The following DDX17 variants were observed in gnomAD, a reference collection of about 807,000 sequenced individuals.
DDX17 encodes probable ATP-dependent RNA helicase DDX17.
Under a neutral mutation model 80.8 loss-of-function variants are expected in DDX17, and 10 were observed. That is an observed-to-expected ratio of 0.12 (90% confidence interval 0.08 to 0.21). The LOEUF is 0.21. Ranked by LOEUF, DDX17 falls within the 10% of genes least tolerant of loss-of-function variation. The pLI is 1.00. For missense variants in DDX17, 586 were observed against 957.4 expected (o/e 0.61, Z 5.12); for synonymous variants, 339 against 336.2 (o/e 1.01, Z -0.09).
At chr22:38,492,237 C>G in intron 10 of DDX17, 122 bp from the exon 11 acceptor site, 1 of 703,514 alleles carries the variant, frequency 1.4e-6, no homozygotes, top group Admixed American at 3.4e-5. Flanking sequence ...TAATGACTGA[C>G]AGTGATTCTT....
At position 38,489,502 on chromosome 22, in the gene DDX17, A is replaced by C; in HGVS notation, c.1448-1387T>G. 1 of 985,612 alleles carries C rather than the reference A, an allele frequency of 1.0e-6. No individual in the cohort carries two copies. Among genetic ancestry groups the C allele is most frequent in the Non-Finnish European group, 1.2e-6 (1 of 829,894 alleles). The allele number at this position is 985,612 out of a possible 1,614,324, so 61.1% of individuals were successfully genotyped here. A position where few individuals can be genotyped will look rare whatever the true frequency, so the allele number is the denominator to read the frequency against. ...TTCAGGTCCTCCAACGCCTCCCCCA[A>C]GGATAATTGGGGTGATTGTAGAAAA... On this transcript the variant is annotated intron_variant, in intron 11 of 12. Coordinates refer to ENST00000403230, the MANE Select transcript of DDX17 (RefSeq NM_006386.5). This position sits in a 1 kb window ranked among gnomAD's most constrained non-coding sequence, Gnocchi z 4.6.
rs1282068709 is a variant in DDX17 at position 38,485,832 on chromosome 22, A to G, written c.*103T>C. The G allele has an allele frequency of 7.2e-6, 10 of 1,382,032 alleles. No homozygotes were observed. The highest frequency in any genetic ancestry group is 3.3e-5 in the South Asian group (2 of 61,434). 85.6% of individuals were successfully genotyped at this position (1,382,032 alleles called of 1,614,324 possible). On this transcript the variant is annotated 3_prime_UTR_variant, in exon 13 of 13. Transcript: ENST00000403230. Reference sequence around the variant, plus strand: ...GGGGAAAAATTAAAAAAAAAAAAAGAAAAAAGGAAAAAAAAAGAAAAGGCG... The same window carrying G: ...GGGGAAAAATTAAAAAAAAAAAAAGGAAAAAGGAAAAAAAAAGAAAAGGCG...
chr22:38,504,897 G>A (rs2089865187), intron 1 of DDX17, among the ~76,000 whole-genome samples: 1 of 151,598 alleles, frequency 6.6e-6, no homozygotes. Flanking sequence ...GTGGCGTCAC[G>A]TAACTCTTTG....
At chr22:38,493,996 T>A in intron 9 of DDX17, 25 bp downstream of exon 9, 1 of 1,552,572 alleles carries the variant, frequency 6.4e-7, no homozygotes, top group Non-Finnish European at 8.8e-7. Context: ...AAACCAGAGG[T>A]TAATTGCCTT....
At position 38,493,871 on chromosome 22, in the gene DDX17, C is replaced by A. The variant is rs538324595; in HGVS notation, c.1326-100G>T. The stretch of plus-strand genomic sequence containing the variant: ...ATCATGCAATTTTTGTAAGGTTTGT[C>A]AGGCTTCATGAATAGATGACTGTGC... On this transcript the variant is annotated intron_variant, in intron 9 of 12. Coordinates refer to ENST00000403230, the MANE Select transcript of DDX17 (RefSeq NM_006386.5). The A allele has an allele frequency of 5.3e-6, 7 of 1,330,004 alleles. No homozygotes were observed. The East Asian group carries it at 1.2e-4, about 22-fold the overall frequency. The allele number at this position is 1,330,004 out of a possible 1,614,324, so 82.4% of individuals were successfully genotyped here.
In DDX17 at chr22:38,483,686, T is replaced by C. The variant is rs539993182; in HGVS notation, c.*2249A>G. The C allele has an allele frequency of 2.3e-3, 353 of 152,568 alleles. 4 individuals carry two copies. Among genetic ancestry groups the C allele is most frequent in the African/African-American group, 7.1e-3 (297 of 41,550 alleles). 9.5% of individuals were successfully genotyped at this position (152,568 alleles called of 1,614,324 possible). ...TTAGATGAGAAGTCCACACAACGAA[T>C]TGTTAGGGAGGATTGGGGAGAAGCA... On this transcript the variant is annotated 3_prime_UTR_variant, in exon 13 of 13. Coordinates refer to ENST00000403230, the MANE Select transcript of DDX17 (RefSeq NM_006386.5).
chr22:38,501,919 AAGTTTC>A (rs1602685478), intron 1 of DDX17, among the ~76,000 whole-genome samples: 1 of 152,138 alleles, frequency 6.6e-6, no homozygotes, highest in African/African-American at 2.4e-5. Flanking sequence ...ACATTAAGTT[AAGTTTC>A]AATTAAAGGG....
chr22:38,505,848 CG>C, intron 1 of DDX17, 102 bp downstream of exon 1: 1 of 1,403,398 alleles, frequency 7.1e-7, no homozygotes, highest in Non-Finnish European at 9.6e-7. Flanking sequence ...CCTCGCCTCC[CG>C]GGTCGAGAGC....
chr22:38,498,366 C>G (rs1232705221), intron 4 of DDX17, 74 bp downstream of exon 4: 2 of 1,589,246 alleles, frequency 1.3e-6, no homozygotes, highest in East Asian at 4.5e-5. Flanking sequence ...CTACGAAGAA[C>G]TGAGAACGTA....
chr22:38,499,480 C>T lies in DDX17; in HGVS notation c.458G>A (p.Arg153His), dbSNP rs1347509001. The stretch of plus-strand genomic sequence containing the variant: ...CCTCACTGTAATCTCCTTCTTTCGG[C>T]GTAGCTCATCAACCTCATACTATTG... Residue 153 changes from arginine to histidine, a missense_variant, in exon 3 of 13, where the codon CGC becomes CAC. Arg to His is a conservative substitution (Grantham distance 29). Around this residue, in one of 4 missense-constraint regions of DDX17, gnomAD observed 215 missense variants for 238.4 expected, o/e 0.90. Transcript: ENST00000403230. The T allele has an allele frequency of 5.0e-6, 8 of 1,613,308 alleles. No individual in the cohort carries two copies. The highest frequency in any genetic ancestry group is 1.6e-4 in the Middle Eastern group (1 of 6,082).
Position 38,485,848 on chromosome 22 carries a change from AG to A in DDX17, c.*86del. On this transcript the variant is annotated 3_prime_UTR_variant, in exon 13 of 13. Transcript: ENST00000403230. ...AAAAAAAAGAAAAAAGGAAAAAAAAAGAAAAGGCGAAGAGGAAAAAAAAAGG... is the reference window on the plus strand; with the variant it reads ...AAAAAAAAGAAAAAAGGAAAAAAAAAAAAAGGCGAAGAGGAAAAAAAAAGG... 6.9e-7 allele frequency: 1 copy of A among 1,452,298 alleles called. No homozygotes were observed. The highest frequency in any genetic ancestry group is 9.0e-7 in the Non-Finnish European group (1 of 1,107,638). The allele number at this position is 1,452,298 out of a possible 1,614,324, so 90.0% of individuals were successfully genotyped here.
At position 38,489,924 on chromosome 22, in the gene DDX17, T is replaced by C. The variant is rs894335812; in HGVS notation, c.1448-1809A>G. 3.0e-6 allele frequency: 3 copies of C among 996,418 alleles called. No homozygotes were observed. The highest frequency in any genetic ancestry group is 4.4e-5 in the South Asian group (1 of 22,888). 61.7% of individuals were successfully genotyped at this position (996,418 alleles called of 1,614,324 possible). A position where few individuals can be genotyped will look rare whatever the true frequency, so the allele number is the denominator to read the frequency against. On this transcript the variant is annotated intron_variant, in intron 11 of 12. Transcript: ENST00000403230. The surrounding 1 kb of genome is among the most constrained non-coding windows in gnomAD (Gnocchi z 4.6). ...TATGCAATCCCACTGCATATGACCA[T>C]GGCAGTAGAACAAGTTCAATTACTA... is the stretch of plus-strand genomic sequence containing the variant.
intron 5 of DDX17, 45 bp from the exon 6 acceptor site, chr22:38,495,982 A>T (rs1413216538): frequency 1.6e-6 from 2 of 1,261,924 alleles, no homozygotes; most frequent in South Asian, 2.0e-5. Context: ...CAAGGTTTAA[A>T]AAAAAAAAAA....
chr22:38,496,629 T>C, intron 5 of DDX17, among the ~76,000 whole-genome samples: 1 of 152,094 alleles, frequency 6.6e-6, no homozygotes. Context: ...GGATTACAGG[T>C]GTGAGCCACC....
rs777959687 is a variant in DDX17, at chr22:38,494,892, T to C, written c.1035A>G (p.Gln345=). ...TATTATTAGCTTTACACACCCTGAT[T>C]TGGTCAACAATTTTACGGATCTGGG... The change falls in exon 7 of 13, where the codon CAA becomes CAG. Residue 345 remains glutamine (Q), a synonymous_variant. Transcript: ENST00000403230. 6.2e-7 allele frequency: 1 copy of C among 1,614,142 alleles called. No homozygotes were observed. The highest frequency in any genetic ancestry group is 2.2e-5 in the East Asian group (1 of 44,890).
In DDX17 at chr22:38,485,700, T is replaced by A. The variant is rs867886950; in HGVS notation, c.*235A>T. 9.3e-3 allele frequency: 1,873 copies of A among 201,544 alleles called. 17 individuals carry two copies. The highest frequency in any genetic ancestry group is 0.018 in the African/African-American group (777 of 42,072). 12.5% of individuals were successfully genotyped at this position (201,544 alleles called of 1,614,324 possible). On this transcript the variant is annotated 3_prime_UTR_variant, in exon 13 of 13. Transcript: ENST00000403230. Reference sequence around the variant, plus strand: ...GCTATATATATATATATATATTTTTTTTTTTTTTACAAAATGTTATTCCAG... The same window carrying A: ...GCTATATATATATATATATATTTTTATTTTTTTTACAAAATGTTATTCCAG...
At position 38,494,139 on chromosome 22, in the gene DDX17, C is replaced by T. The variant is rs750444859; in HGVS notation, c.1215-8G>A. ...TCCATTAGTTGGATCAACCTGAAAA[C>T]ATGACCAACAATGCAGTCATCACAC... On this transcript the variant is annotated splice_region_variant and splice_polypyrimidine_tract_variant and intron_variant, in intron 8 of 12. Coordinates refer to ENST00000403230, the MANE Select transcript of DDX17 (RefSeq NM_006386.5). 4 of 1,576,060 alleles carry T rather than the reference C, an allele frequency of 2.5e-6. No individual in the cohort carries two copies. In the South Asian group the frequency reaches 4.4e-5, roughly 17 times the overall value.
intron 1 of DDX17, among the ~76,000 whole-genome samples, chr22:38,501,900 C>T (rs1022897385): frequency 2.0e-5 from 3 of 152,190 alleles, no homozygotes; most frequent in South Asian, 2.1e-4. Context: ...GACATGCAGG[C>T]AAAGGATGAC....
chr22:38,499,599 T>C (rs1211614830), intron 2 of DDX17, 100 bp from the exon 3 acceptor site: 15 of 884,554 alleles, frequency 1.7e-5, no homozygotes, highest in Non-Finnish European at 2.6e-5. Context: ...CACAGCTATG[T>C]TGGCAAATAT....
Sources: gnomAD v4.1 joint callset for allele counts (sites outside exome capture counted in the v4.1 genomes callset) on GRCh38, gnomAD v4.1.1 for gene constraint, gnomAD v4.1.1 regional missense constraint, Gnocchi (gnomAD v3.1) non-coding constraint, MANE v1.5 for transcripts, NCBI Gene and HGNC (gene_info 2026-07-23, HGNC 2026-07-21) for gene names.